The following PRKCB variants were observed in gnomAD, a reference collection of about 807,000 sequenced individuals.
PRKCB encodes the protein protein kinase C beta.
Under a neutral mutation model 81.5 loss-of-function variants are expected in PRKCB, and 13 were observed. The observed-to-expected ratio is 0.16, with a 90% confidence interval of 0.10 to 0.25. PRKCB has a LOEUF of 0.25. PRKCB is among the 10% of genes least tolerant of loss of function. PRKCB has a pLI of 1.00. For missense variants in PRKCB, 509 were observed against 875.7 expected (o/e 0.58, Z 5.29); for synonymous variants, 335 against 321.4 (o/e 1.04, Z -0.45).
At chr16:23,918,293 T>G (rs1963773274) in intron 2 of PRKCB, among the ~76,000 whole-genome samples, 1 of 152,230 alleles carries the variant, frequency 6.6e-6, no homozygotes, top group East Asian at 1.9e-4. Flanking sequence ...TGAGGTCTAC[T>G]AGAAGATACT....
intron 2 of PRKCB, among the ~76,000 whole-genome samples, chr16:23,902,989 CTTTTTT>C (rs71988386): frequency 4.3e-5 from 6 of 139,056 alleles, no homozygotes; most frequent in South Asian, 2.3e-4. Context: ...TTTTTCTTTT[CTTTTTT>C]TTTTTTTTTC....
chr16:23,869,919 G>A (rs2141098213), intron 2 of PRKCB, among the ~76,000 whole-genome samples: 1 of 152,256 alleles, frequency 6.6e-6, no homozygotes, highest in Non-Finnish European at 1.5e-5. Context: ...CTACTCAGGA[G>A]GCTGAAGCAG....
At chr16:24,151,725 T>C in intron 9 of PRKCB, 1 of 447,276 alleles carries the variant, frequency 2.2e-6, no homozygotes. Flanking sequence ...CATGGAATTG[T>C]TTGGCTTTCA....
chr16:23,866,861 C>T (rs2141095378), intron 2 of PRKCB, among the ~76,000 whole-genome samples: 1 of 152,264 alleles, frequency 6.6e-6, no homozygotes, highest in African/African-American at 2.4e-5. Context: ...ACACTTTTGC[C>T]AATCTGATGG....
chr16:24,173,965 T>G (rs965469715), intron 11 of PRKCB, among the ~76,000 whole-genome samples: 12 of 152,168 alleles, frequency 7.9e-5, no homozygotes, highest in African/African-American at 2.9e-4. Context: ...GCTGCTATTG[T>G]TAAGATAATT....
chr16:24,120,114 A>C (rs781065755), intron 8 of PRKCB, among the ~76,000 whole-genome samples: 5 of 152,248 alleles, frequency 3.3e-5, no homozygotes, highest in Non-Finnish European at 7.3e-5. Flanking sequence ...CACACTCTAC[A>C]ATGCTGTTCA....
At chr16:23,885,454 G>A (rs1963184271) in intron 2 of PRKCB, among the ~76,000 whole-genome samples, 2 of 151,972 alleles carry the variant, frequency 1.3e-5, no homozygotes, top group South Asian at 2.1e-4. Flanking sequence ...GGTTATAGGC[G>A]CCCGCCACCA....
chr16:24,042,761 A>G (rs1423898467), intron 5 of PRKCB, among the ~76,000 whole-genome samples: 2 of 125,334 alleles, frequency 1.6e-5, no homozygotes, highest in African/African-American at 2.9e-5. Context: ...TTTTTTTGAG[A>G]CAGTCTCACT....
At chr16:24,096,394 TGAC>T (rs1480155548) in intron 7 of PRKCB, among the ~76,000 whole-genome samples, 1 of 152,112 alleles carries the variant, frequency 6.6e-6, no homozygotes, top group Admixed American at 6.5e-5. Context: ...TCTCTTTCAC[TGAC>T]GTCATCATTT....
intron 9 of PRKCB, among the ~76,000 whole-genome samples, chr16:24,137,029 C>A (rs1372207827): frequency 6.6e-6 from 1 of 150,838 alleles, no homozygotes; most frequent in Non-Finnish European, 1.5e-5. Context: ...ATGCGCATGC[C>A]ACCATGCCCG....
chr16:23,892,197 A>G (rs1383985238), intron 2 of PRKCB, among the ~76,000 whole-genome samples: 1 of 150,650 alleles, frequency 6.6e-6, no homozygotes, highest in African/African-American at 2.5e-5. Context: ...CACTCATTTT[A>G]ATTGGTGATA....
At chr16:23,992,278 G>A (rs934088015) in intron 3 of PRKCB, among the ~76,000 whole-genome samples, 1 of 152,226 alleles carries the variant, frequency 6.6e-6, no homozygotes, top group African/African-American at 2.4e-5. Context: ...TACTAACAGT[G>A]TATAGAGGAA....
rs115465722 is a variant in PRKCB at position 23,938,070 on chromosome 16, C to T, written c.206-50438C>T. ...TCCCAGTGCTATATGTGTAGTTCTG[C>T]CCTCCAACCATGGCTTGAGAAGAGG... On this transcript the variant is annotated intron_variant, in intron 2 of 16. Coordinates refer to ENST00000643927, the MANE Select transcript of PRKCB (RefSeq NM_002738.7). 4.9e-3 allele frequency among the ~76,000 whole-genome samples: 752 copies of T among 152,232 alleles called. 12 individuals carry two copies. Among genetic ancestry groups the T allele is most frequent in the African/African-American group, 0.017 (691 of 41,544 alleles).
intron 2 of PRKCB, among the ~76,000 whole-genome samples, chr16:23,875,772 C>CAT (rs772771055): frequency 6.3e-5 from 7 of 111,850 alleles, no homozygotes; most frequent in Admixed American, 1.9e-4. Flanking sequence ...GTATATCACA[C>CAT]ATATATGTGT....
chr16:24,103,867 G>A (rs1021734831), intron 7 of PRKCB, among the ~76,000 whole-genome samples: 12 of 151,954 alleles, frequency 7.9e-5, no homozygotes, highest in South Asian at 4.2e-4. Context: ...GTGCAACGCC[G>A]CGATCTTGGC....
chr16:24,048,576 G>A (rs1437154421), intron 5 of PRKCB, among the ~76,000 whole-genome samples: 2 of 150,502 alleles, frequency 1.3e-5, no homozygotes, highest in Non-Finnish European at 3.0e-5. Flanking sequence ...TGCAACCTCC[G>A]CCTCCCTGGT....
chr16:24,204,101 C>T (rs1345335382), intron 16 of PRKCB, among the ~76,000 whole-genome samples: 2 of 152,076 alleles, frequency 1.3e-5, no homozygotes, highest in African/African-American at 4.8e-5. Context: ...ACTCACTGGA[C>T]ATGAATGGGT....
chr16:24,043,485 A>G (rs895284527), intron 5 of PRKCB, among the ~76,000 whole-genome samples: 4 of 152,188 alleles, frequency 2.6e-5, no homozygotes, highest in Middle Eastern at 3.4e-3. Flanking sequence ...AACATCTATC[A>G]TCTTTCTCAG....
At chr16:24,066,725 A>G (rs1397175474) in intron 5 of PRKCB, among the ~76,000 whole-genome samples, 4 of 152,112 alleles carry the variant, frequency 2.6e-5, no homozygotes, top group African/African-American at 9.7e-5. Flanking sequence ...CTGGTTTATG[A>G]CAATTTCTCA....
Sources: gnomAD v4.1 joint callset for allele counts (sites outside exome capture counted in the v4.1 genomes callset) on GRCh38, gnomAD v4.1.1 for gene constraint, MANE v1.5 for transcripts, NCBI Gene and HGNC (gene_info 2026-07-23, HGNC 2026-07-21) for gene names.